The following INSYN2A variants were observed in gnomAD, a reference collection of about 807,000 sequenced individuals.
INSYN2A encodes family with sequence similarity 196 member A.
A neutral mutation model predicts 39.4 loss-of-function variants in INSYN2A; 17 were observed. The ratio of observed to expected loss-of-function variants is 0.43; its 90% CI spans 0.30 to 0.65. INSYN2A has a LOEUF of 0.65. Among genes scored for constraint, INSYN2A ranks in the 30% least tolerant of loss-of-function variants. The pLI, the probability that INSYN2A is intolerant of heterozygous loss-of-function variation, is 0.14. For missense variants in INSYN2A, 595 were observed against 631.2 expected (o/e 0.94, Z 0.61); for synonymous variants, 255 against 265.7 (o/e 0.96, Z 0.39).
chr10:127,187,550 T>G (rs2134048464), intron 2 of INSYN2A, among the ~76,000 whole-genome samples: 1 of 152,078 alleles, frequency 6.6e-6, no homozygotes, highest in Middle Eastern at 3.4e-3. Context: ...TGTGTGTGGG[T>G]TTTTAAAGAG....
At chr10:127,139,472 G>A (rs905125433) in intron 5 of INSYN2A, among the ~76,000 whole-genome samples, 6 of 151,272 alleles carry the variant, frequency 4.0e-5, no homozygotes, top group Middle Eastern at 3.4e-3. Flanking sequence ...CCCTTTTTTC[G>A]AAGAGCCTCT....
intron 4 of INSYN2A, among the ~76,000 whole-genome samples, chr10:127,172,892 C>T (rs190848912): frequency 1.3e-5 from 2 of 152,296 alleles, no homozygotes; most frequent in East Asian, 3.9e-4. Flanking sequence ...GCTGCACTGT[C>T]TTATGTATGT....
intron 4 of INSYN2A, among the ~76,000 whole-genome samples, chr10:127,154,398 A>G (rs2052826896): frequency 6.6e-6 from 1 of 152,224 alleles, no homozygotes; most frequent in Non-Finnish European, 1.5e-5. Context: ...TGGATTTTAC[A>G]TTTTTAAGCA....
chr10:127,143,690 G>C (rs2051500644), intron 5 of INSYN2A, among the ~76,000 whole-genome samples: 1 of 152,188 alleles, frequency 6.6e-6, no homozygotes, highest in Non-Finnish European at 1.5e-5. Flanking sequence ...GCATTGTCCA[G>C]AGGAAACTAA....
chr10:127,158,673 A>C (rs1323224667), intron 4 of INSYN2A, among the ~76,000 whole-genome samples: 1 of 152,240 alleles, frequency 6.6e-6, no homozygotes, highest in African/African-American at 2.4e-5. Context: ...AAACCCTGAC[A>C]GGTATAAATT....
At chr10:127,164,505 C>CCTCT (rs2053905173) in intron 4 of INSYN2A, among the ~76,000 whole-genome samples, 1 of 152,078 alleles carries the variant, frequency 6.6e-6, no homozygotes. Flanking sequence ...TTTTGTTGCT[C>CCTCT]CTCTCTGTAG....
chr10:127,177,952 C>T (rs1182412458), intron 2 of INSYN2A, among the ~76,000 whole-genome samples: 1 of 152,180 alleles, frequency 6.6e-6, no homozygotes, highest in Non-Finnish European at 1.5e-5. Context: ...GGAGCAGGAC[C>T]CTACTTTAGT....
intron 4 of INSYN2A, among the ~76,000 whole-genome samples, chr10:127,155,712 A>G (rs1383695127): frequency 1.3e-5 from 2 of 152,108 alleles, no homozygotes; most frequent in East Asian, 3.8e-4. Flanking sequence ...AGGCTCTTCC[A>G]CATGATGACA....
intron 4 of INSYN2A, among the ~76,000 whole-genome samples, chr10:127,164,013 G>A (rs1373825846): frequency 4.6e-5 from 7 of 151,978 alleles, no homozygotes; most frequent in Non-Finnish European, 1.0e-4. Flanking sequence ...AGAATTAAAG[G>A]GTAACAATGC....
In INSYN2A at chr10:127,175,812, G is replaced by A; in HGVS notation, c.584C>T (p.Pro195Leu). ...DQPLGVNCTE[P>L]CKSPEPLSYG... Reference sequence around the variant, plus strand: ...GCTGAGCGGCTCCGGGCTTTTACAGGGCTCTGTGCAGTTGACCCCCAAAGG... The same window carrying A: ...GCTGAGCGGCTCCGGGCTTTTACAGAGCTCTGTGCAGTTGACCCCCAAAGG... The change falls in exon 4 of 6, where the codon CCC (proline) becomes CTC (leucine). Residue 195 changes from proline (P) to leucine (L), a missense_variant. By Grantham distance (98) the Pro-to-Leu change is moderately conservative (BLOSUM62 -3). Coordinates refer to ENST00000522781, the MANE Select transcript of INSYN2A (RefSeq NM_001039762.3). The surrounding 1 kb of genome is among the most constrained non-coding windows in gnomAD (Gnocchi z 6.3). The A allele has an allele frequency of 6.2e-7, 1 of 1,614,090 alleles. No homozygotes were observed. The highest frequency in any genetic ancestry group is 1.1e-5 in the South Asian group (1 of 91,076).
At chr10:127,140,078 G>A (rs750070519) in intron 5 of INSYN2A, among the ~76,000 whole-genome samples, 3 of 152,110 alleles carry the variant, frequency 2.0e-5, no homozygotes, top group Non-Finnish European at 4.4e-5. Flanking sequence ...TCTCCAGATC[G>A]TAACCGTTTC....
chr10:127,193,068 T>C (rs568714789), intron 1 of INSYN2A, among the ~76,000 whole-genome samples: 20 of 152,360 alleles, frequency 1.3e-4, no homozygotes, highest in African/African-American at 3.4e-4. Flanking sequence ...CTTTAAAATA[T>C]TGAAGTCACC....
chr10:127,188,623 T>A (rs1365345705), intron 2 of INSYN2A, among the ~76,000 whole-genome samples: 1 of 152,214 alleles, frequency 6.6e-6, no homozygotes, highest in Non-Finnish European at 1.5e-5. Flanking sequence ...CTGGCCGTAG[T>A]CCTTACGAAC....
intron 4 of INSYN2A, among the ~76,000 whole-genome samples, chr10:127,158,012 C>A (rs1310977734): frequency 6.6e-6 from 1 of 152,200 alleles, no homozygotes; most frequent in Non-Finnish European, 1.5e-5. Flanking sequence ...ATTGTGCTTA[C>A]TGCTTTCATA....
Position 127,175,289 on chromosome 10 carries a change from G to T in INSYN2A, c.1107C>A (p.Ile369=), listed in dbSNP as rs201148066. ...KAQLQMMENL[I]SSSQETIKVL... Reference sequence around the variant, plus strand: ...CTTTGATGGTTTCTTGGCTTGAACTGATCAAGTTCTCCATCATCTGAAGTT... The same window carrying T: ...CTTTGATGGTTTCTTGGCTTGAACTTATCAAGTTCTCCATCATCTGAAGTT... The change falls in exon 4 of 6, where the codon ATC becomes ATA. Residue 369 remains isoleucine, a synonymous_variant. Coordinates refer to ENST00000522781, the MANE Select transcript of INSYN2A (RefSeq NM_001039762.3). The surrounding 1 kb of genome is among the most constrained non-coding windows in gnomAD (Gnocchi z 6.3). 1.3e-4 allele frequency: 208 copies of T among 1,613,956 alleles called. No homozygotes were observed. Among genetic ancestry groups the T allele is most frequent in the Admixed American group, 4.7e-4 (28 of 59,990 alleles).
At chr10:127,172,221 C>CA (rs1470923884) in intron 4 of INSYN2A, among the ~76,000 whole-genome samples, 1 of 152,148 alleles carries the variant, frequency 6.6e-6, no homozygotes, top group African/African-American at 2.4e-5. Flanking sequence ...ACTTGCCCTT[C>CA]AAGGGATTGG....
At chr10:127,166,209 G>T (rs942898549) in intron 4 of INSYN2A, among the ~76,000 whole-genome samples, 2 of 152,160 alleles carry the variant, frequency 1.3e-5, no homozygotes, top group East Asian at 3.9e-4. Context: ...GGGACTACAG[G>T]TGCCTGCCAC....
At chr10:127,155,263 C>A (rs2052925613) in intron 4 of INSYN2A, among the ~76,000 whole-genome samples, 1 of 152,052 alleles carries the variant, frequency 6.6e-6, no homozygotes, top group Non-Finnish European at 1.5e-5. Context: ...TTGTCTGTTA[C>A]ATCAACATTT....
At chr10:127,190,014 GGTGAAAACTC>G (rs1471223564) in intron 2 of INSYN2A, among the ~76,000 whole-genome samples, 5 of 152,074 alleles carry the variant, frequency 3.3e-5, no homozygotes, top group Non-Finnish European at 7.4e-5. Flanking sequence ...GGTGAGCTCT[GGTGAAAACTC>G]TTTTTAACCC....
Sources: allele counts gnomAD v4.1 joint callset (sites outside exome capture counted in the v4.1 genomes callset), GRCh38; gene constraint gnomAD v4.1.1; non-coding constraint Gnocchi (gnomAD v3.1); transcripts MANE v1.5; gene names NCBI Gene and HGNC (gene_info 2026-07-23, HGNC 2026-07-21).